GRIK1: variants seen among roughly 807,000 people sequenced by gnomAD.
The protein encoded by GRIK1 is glutamate ionotropic receptor kainate type subunit 1.
GRIK1 carries 69 observed loss-of-function variants against 105.7 expected under a neutral mutation model. The observed-to-expected ratio is 0.65, with a 90% CI of 0.54 to 0.80. The LOEUF is 0.80. GRIK1 is among the 30% of genes least tolerant of loss of function. The probability of loss-of-function intolerance (pLI) is 0.00; values close to 1 mark genes in which losing one functional copy is unlikely to be tolerated. For synonymous variants in GRIK1, 438 were observed against 431.3 expected, an observed-to-expected ratio of 1.02 and a Z score of -0.19; for missense variants, 1,109 against 1,167.3, an observed-to-expected ratio of 0.95 and a Z score of 0.73.
chr21:29,655,323 G>T (rs1404596488), intron 4 of GRIK1, among the ~76,000 whole-genome samples: 2 of 151,974 alleles, frequency 1.3e-5, no homozygotes, highest in Non-Finnish European at 1.5e-5. Context: ...CGGGAGAATC[G>T]CTTGAACCTG....
chr21:29,651,138 G>T lies in GRIK1; in HGVS notation c.934C>A (p.Leu312Ile). 1 of 1,609,104 alleles carries T rather than the reference G, an allele frequency of 6.2e-7. No homozygotes were observed. The highest frequency in any genetic ancestry group is 8.5e-7 in the Non-Finnish European group (1 of 1,178,494). ...CTTACTGTCATCATGCCATCCAAAA[G>T]GCCAGTCTCGGGCCTGGGTGGGGCC... ...LQAPPRPETG[L>I]LDGMMTTEAA... Residue 312 changes from leucine (L) to isoleucine (I), a missense_variant, in exon 6 of 18, where the codon CTT becomes ATT. Around this residue, in one of 5 missense-constraint regions of GRIK1, gnomAD observed 612 missense variants for 586.0 expected, o/e 1.04. Transcript: ENST00000327783.
chr21:29,856,181 G>A (rs113704668), intron 1 of GRIK1, among the ~76,000 whole-genome samples: 1 of 152,068 alleles, frequency 6.6e-6, no homozygotes, highest in Admixed American at 6.6e-5. Flanking sequence ...CATTCAGAGA[G>A]ACTCTATAGC....
chr21:29,938,580 G>A (rs1205457804), intron 1 of GRIK1, among the ~76,000 whole-genome samples: 1 of 152,088 alleles, frequency 6.6e-6, no homozygotes, highest in Non-Finnish European at 1.5e-5. Context: ...TGTCATCTTT[G>A]GGCTGCCCAC....
At chr21:29,588,084 C>T (rs2091173382) in intron 11 of GRIK1, among the ~76,000 whole-genome samples, 1 of 146,790 alleles carries the variant, frequency 6.8e-6, no homozygotes, top group Non-Finnish European at 1.5e-5. Flanking sequence ...ATGCCATTCT[C>T]CTGCCTCAGC....
At chr21:29,684,653 G>A (rs575344683) in intron 3 of GRIK1, among the ~76,000 whole-genome samples, 33 of 151,994 alleles carry the variant, frequency 2.2e-4, no homozygotes, top group Non-Finnish European at 3.8e-4. Flanking sequence ...GACTACAGGC[G>A]CCCGCCACCA....
chr21:29,570,317 A>G (rs544321265), intron 14 of GRIK1, among the ~76,000 whole-genome samples: 2 of 152,258 alleles, frequency 1.3e-5, no homozygotes, highest in African/African-American at 4.8e-5. Flanking sequence ...CCTGTTCAAC[A>G]TGGTGAAACC....
chr21:29,726,902 C>G (rs1243224791), intron 1 of GRIK1, among the ~76,000 whole-genome samples: 1 of 150,980 alleles, frequency 6.6e-6, no homozygotes, highest in Non-Finnish European at 1.5e-5. Context: ...ATTTTGGGGT[C>G]AATTTTTATA....
chr21:29,818,815 C>G (rs570873940), intron 1 of GRIK1, among the ~76,000 whole-genome samples: 8 of 152,016 alleles, frequency 5.3e-5, no homozygotes, highest in Admixed American at 5.2e-4. Flanking sequence ...GTGTAGGTCA[C>G]AGTTAGGATG....
chr21:29,826,363 T>C (rs2067457182), intron 1 of GRIK1, among the ~76,000 whole-genome samples: 1 of 152,124 alleles, frequency 6.6e-6, no homozygotes, highest in Non-Finnish European at 1.5e-5. Flanking sequence ...TCAAACAATA[T>C]ACTGATGTTC....
intron 1 of GRIK1, among the ~76,000 whole-genome samples, chr21:29,829,918 C>T (rs1015006293): frequency 1.3e-5 from 2 of 152,070 alleles, no homozygotes; most frequent in Admixed American, 6.6e-5. Flanking sequence ...GGTTCTCCAG[C>T]TTCCACCTAA....
chr21:29,840,870 C>T (rs896593338), intron 1 of GRIK1, among the ~76,000 whole-genome samples: 2 of 151,926 alleles, frequency 1.3e-5, no homozygotes, highest in Non-Finnish European at 2.9e-5. Flanking sequence ...TTACAAAATA[C>T]ACACAACAGC....
chr21:29,862,746 T>C (rs535452762), intron 1 of GRIK1, among the ~76,000 whole-genome samples: 2 of 152,362 alleles, frequency 1.3e-5, no homozygotes, highest in South Asian at 2.1e-4. Flanking sequence ...AACTAAGTCA[T>C]ATGCTTTTAA....
intron 1 of GRIK1, among the ~76,000 whole-genome samples, chr21:29,799,362 A>G (rs2066643002): frequency 6.6e-6 from 1 of 152,178 alleles, no homozygotes; most frequent in South Asian, 2.1e-4. Flanking sequence ...TAGAGAGTAG[A>G]ATATCTTCCA....
chr21:29,775,180 C>A (rs1395873891), intron 1 of GRIK1, among the ~76,000 whole-genome samples: 8 of 150,480 alleles, frequency 5.3e-5, no homozygotes, highest in East Asian at 2.0e-4. Context: ...AGCCGGCATG[C>A]ACCTGTAATC....
chr21:29,562,823 TAATA>T (rs2090515571), intron 14 of GRIK1, among the ~76,000 whole-genome samples: 1 of 152,296 alleles, frequency 6.6e-6, no homozygotes, highest in Middle Eastern at 3.4e-3. Flanking sequence ...ATAGATTCAG[TAATA>T]AATTATATAT....
At chr21:29,801,137 G>C (rs1456585581) in intron 1 of GRIK1, among the ~76,000 whole-genome samples, 2 of 151,982 alleles carry the variant, frequency 1.3e-5, no homozygotes, top group Non-Finnish European at 2.9e-5. Context: ...AATGAGCTTA[G>C]AGCCAGGAGT....
intron 1 of GRIK1, among the ~76,000 whole-genome samples, chr21:29,854,234 T>G (rs1020416439): frequency 2.0e-5 from 3 of 151,942 alleles, no homozygotes; most frequent in African/African-American, 7.3e-5. Context: ...GCTGCGCTGT[T>G]TTAAATAACC....
chr21:29,560,358 TTTCTTTCTTC>T (rs1568813468), intron 15 of GRIK1, among the ~76,000 whole-genome samples: 6 of 44,288 alleles, frequency 1.4e-4, no homozygotes, highest in African/African-American at 3.2e-4. Context: ...TTTCTTTCTT[TTTCTTTCTTC>T]CTTCCTTCCT....
At chr21:29,713,518 A>G (rs2064106027) in intron 1 of GRIK1, among the ~76,000 whole-genome samples, 1 of 152,212 alleles carries the variant, frequency 6.6e-6, no homozygotes, top group Admixed American at 6.5e-5. Flanking sequence ...ATCTTGAGGC[A>G]TGGCATGTGG....
Sources: gnomAD v4.1 joint callset for allele counts (sites outside exome capture counted in the v4.1 genomes callset) on GRCh38, gnomAD v4.1.1 for gene constraint, gnomAD v4.1.1 regional missense constraint, MANE v1.5 for transcripts, NCBI Gene and HGNC (gene_info 2026-07-23, HGNC 2026-07-21) for gene names.